Variants in SLC49A4 observed in about 807,000 individuals in gnomAD.
SLC49A4 encodes the protein solute carrier family 49 member 4.
In SLC49A4, 36 loss-of-function variants were observed where a neutral mutation model predicts 50.6. That is an observed-to-expected ratio of 0.71 (90% CI 0.55 to 0.94). The LOEUF (loss-of-function observed/expected upper bound fraction) is 0.94, where lower values mean the gene tolerates loss of function less well. Among genes scored for constraint, SLC49A4 ranks in the 40% least tolerant of loss-of-function variants. SLC49A4 has a pLI of 0.00. For missense variants in SLC49A4, 503 were observed against 605.7 expected (o/e 0.83, Z 1.78); for synonymous variants, 248 against 241.2 (o/e 1.03, Z -0.26).
chr3:122,873,441 A>G (rs1937220616), intron 8 of SLC49A4, among the ~76,000 whole-genome samples: 1 of 152,130 alleles, frequency 6.6e-6, no homozygotes, highest in Admixed American at 6.5e-5. Flanking sequence ...CAGCCTCCTA[A>G]AGTGCTGGGA....
At chr3:122,819,719 C>A (rs1005359826) in intron 2 of SLC49A4, among the ~76,000 whole-genome samples, 2 of 152,128 alleles carry the variant, frequency 1.3e-5, no homozygotes, top group African/African-American at 4.8e-5. Context: ...TTCATAACAT[C>A]TCTAACCCTC....
rs540221066 is a variant in SLC49A4 at position 122,855,430 on chromosome 3, A to G, written c.943-877A>G. On this transcript the variant is annotated intron_variant, in intron 5 of 8. Coordinates refer to ENST00000261038, the MANE Select transcript of SLC49A4 (RefSeq NM_032839.3). ...ATTTCATTCATAACAACTAACATGC[A>G]TTGAGCACTTTACATTTATTAACTT... 1.4e-4 allele frequency among the ~76,000 whole-genome samples: 22 copies of G among 152,350 alleles called. No individual in the cohort carries two copies. The South Asian group carries it at 4.6e-3, about 32-fold the overall frequency.
chr3:122,826,683 C>G (rs1223171921), intron 2 of SLC49A4, 117 bp from the exon 3 acceptor site: 1 of 1,019,438 alleles, frequency 9.8e-7, no homozygotes, highest in East Asian at 2.4e-5. Flanking sequence ...ATGTCATATT[C>G]TTTACAGATA....
intron 4 of SLC49A4, among the ~76,000 whole-genome samples, chr3:122,844,269 C>G (rs147973908): frequency 0.033 from 4,989 of 152,184 alleles, 122 homozygotes; most frequent in Middle Eastern, 0.071. Flanking sequence ...GGTGAGGTCT[C>G]ACTATCTTGC....
At chr3:122,823,302 G>A (rs1936479162) in intron 2 of SLC49A4, among the ~76,000 whole-genome samples, 1 of 152,228 alleles carries the variant, frequency 6.6e-6, no homozygotes, top group Non-Finnish European at 1.5e-5. Flanking sequence ...CTTAGATGGA[G>A]TTGGACCTTC....
chr3:122,841,627 C>A (rs1388571942), intron 4 of SLC49A4, among the ~76,000 whole-genome samples: 1 of 152,180 alleles, frequency 6.6e-6, no homozygotes, highest in Non-Finnish European at 1.5e-5. Context: ...AAATTAAAAA[C>A]TCAGTTCCTT....
At chr3:122,806,832 T>G (rs1200034005) in intron 1 of SLC49A4, 25 bp from the exon 2 acceptor site, 2 of 1,422,572 alleles carry the variant, frequency 1.4e-6, no homozygotes, top group South Asian at 1.2e-5. Context: ...ATCAAGATAA[T>G]TTCAATGTCT....
intron 4 of SLC49A4, among the ~76,000 whole-genome samples, chr3:122,835,271 C>T (rs547365494): frequency 5.9e-5 from 9 of 152,168 alleles, no homozygotes; most frequent in Non-Finnish European, 1.3e-4. Context: ...CTAACTCATT[C>T]TATGAAGCCA....
intron 4 of SLC49A4, among the ~76,000 whole-genome samples, chr3:122,845,214 G>A (rs1936831318): frequency 6.6e-6 from 1 of 152,106 alleles, no homozygotes; most frequent in Non-Finnish European, 1.5e-5. Context: ...AGAACATGTG[G>A]TATTTGCTTT....
chr3:122,839,081 T>C (rs1281701348), intron 4 of SLC49A4, among the ~76,000 whole-genome samples: 1 of 152,028 alleles, frequency 6.6e-6, no homozygotes, highest in Non-Finnish European at 1.5e-5. Context: ...AAATCAGAAA[T>C]GAAGCCAAAT....
At chr3:122,834,769 G>C (rs1352852026) in intron 4 of SLC49A4, among the ~76,000 whole-genome samples, 1 of 152,008 alleles carries the variant, frequency 6.6e-6, no homozygotes, top group East Asian at 1.9e-4. Flanking sequence ...AAAACAAAAA[G>C]TTGGCTATTT....
In SLC49A4 at chr3:122,856,212, C is replaced by G. The variant is rs1936987254; in HGVS notation, c.943-95C>G. ...GAATTCTTTTATTTCATCCATTTAG[C>G]TACTAACATATTGATTATAGAGGAC... On this transcript the variant is annotated intron_variant, in intron 5 of 8. Coordinates refer to ENST00000261038, the MANE Select transcript of SLC49A4 (RefSeq NM_032839.3). The G allele has an allele frequency of 2.8e-6, 3 of 1,057,594 alleles. No homozygotes were observed. In the South Asian group the frequency reaches 4.3e-5, roughly 15 times the overall value. The allele number at this position is 1,057,594 out of a possible 1,614,324, so 65.5% of individuals were successfully genotyped here. A position where few individuals can be genotyped will look rare whatever the true frequency, so the allele number is the denominator to read the frequency against.
chr3:122,824,921 T>G (rs981305302), intron 2 of SLC49A4, among the ~76,000 whole-genome samples: 4 of 151,522 alleles, frequency 2.6e-5, no homozygotes, highest in African/African-American at 9.7e-5. Context: ...TTAGAGGAGG[T>G]GGGGTTTTGT....
intron 2 of SLC49A4, among the ~76,000 whole-genome samples, chr3:122,807,166 A>T (rs1476607051): frequency 6.6e-6 from 1 of 152,096 alleles, no homozygotes; most frequent in Non-Finnish European, 1.5e-5. Flanking sequence ...AGGAACAATA[A>T]TAATCATGTG....
chr3:122,810,728 G>T (rs1441981244), intron 2 of SLC49A4, among the ~76,000 whole-genome samples: 2 of 152,184 alleles, frequency 1.3e-5, no homozygotes, highest in Non-Finnish European at 2.9e-5. Flanking sequence ...TTACCAACAT[G>T]TATTAAATAG....
At chr3:122,851,567 T>C (rs1936925984) in intron 5 of SLC49A4, among the ~76,000 whole-genome samples, 1 of 152,200 alleles carries the variant, frequency 6.6e-6, no homozygotes, top group Non-Finnish European at 1.5e-5. Context: ...CTGTATATCA[T>C]TGGTTTCAGC....
At chr3:122,859,980 G>T in intron 6 of SLC49A4, 95 bp from the exon 7 acceptor site, 2 of 1,093,612 alleles carry the variant, frequency 1.8e-6, no homozygotes, top group Non-Finnish European at 2.5e-6. Flanking sequence ...AGAATATATG[G>T]AAAATTCCTC....
chr3:122,824,595 TCTTTC>T (rs1294220333), intron 2 of SLC49A4, among the ~76,000 whole-genome samples: 2 of 151,878 alleles, frequency 1.3e-5, no homozygotes, highest in African/African-American at 2.4e-5. Flanking sequence ...TTCTTTCCTG[TCTTTC>T]CTTTCCTTTC....
At position 122,827,089 on chromosome 3, in the gene SLC49A4, T is replaced by A. The variant is rs757534933; in HGVS notation, c.703+24T>A. On this transcript the variant is annotated intron_variant, in intron 3 of 8. Transcript: ENST00000261038. ...AGGTAATTTGAAGTTTATTTTCTTC[T>A]TGTTATACTTTGTCTTTTATCTCAA... 5.7e-6 allele frequency: 9 copies of A among 1,588,542 alleles called. No individual in the cohort carries two copies. In the South Asian group the frequency reaches 1.0e-4, roughly 18 times the overall value.
Sources: allele counts gnomAD v4.1 joint callset (sites outside exome capture counted in the v4.1 genomes callset), GRCh38; gene constraint gnomAD v4.1.1; transcripts MANE v1.5; gene names NCBI Gene and HGNC (gene_info 2026-07-23, HGNC 2026-07-21).